The following ATG2A variants were observed in gnomAD, a reference collection of about 807,000 sequenced individuals.
The protein encoded by ATG2A is autophagy related 2A.
A neutral mutation model predicts 214.2 loss-of-function variants in ATG2A; 103 were observed. The ratio of observed to expected loss-of-function variants is 0.48; its 90% CI spans 0.41 to 0.57. ATG2A has a LOEUF of 0.57. ATG2A is among the 20% of genes least tolerant of loss of function. The pLI is 0.00. For synonymous variants in ATG2A, 1,160 were observed against 1,142.1 expected, an observed-to-expected ratio of 1.02 and a Z score of -0.32; for missense variants, 2,312 against 2,613.2, an observed-to-expected ratio of 0.88 and a Z score of 2.51.
rs771551561 is a variant in ATG2A at position 64,894,902 on chromosome 11, C to A, written c.*71G>T. 1 of 1,573,068 alleles carries A rather than the reference C, an allele frequency of 6.4e-7. No homozygotes were observed. Among genetic ancestry groups the A allele is most frequent in the East Asian group, 2.2e-5 (1 of 44,708 alleles). On this transcript the variant is annotated 3_prime_UTR_variant, in exon 41 of 41. Coordinates refer to ENST00000377264, the MANE Select transcript of ATG2A (RefSeq NM_015104.3). ...CTGAAGGGCCAGGCCGGGCCGGGCC[C>A]GTGGGCTGCAGCTCTTGGGAGGCTC...
chr11:64,910,879 T>C lies in ATG2A; in HGVS notation c.1542A>G (p.Glu514=). ...GCACCTCCAGCTGCCCGAAGTGCACTTCCATGCTGGTTGTCCGCCGGCCCC... is the reference window on the plus strand; with the variant it reads ...GCACCTCCAGCTGCCCGAAGTGCACCTCCATGCTGGTTGTCCGCCGGCCCC... ...GSRGRRTTSM[E]VHFGQLEVLE... is the part of the protein sequence containing the mutation. The change falls in exon 11 of 41, where the codon GAA becomes GAG. Residue 514 remains glutamate (E), a synonymous_variant. Transcript: ENST00000377264. 6.2e-7 allele frequency: 1 copy of C among 1,610,280 alleles called. No individual in the cohort carries two copies. The highest frequency in any genetic ancestry group is 8.5e-7 in the Non-Finnish European group (1 of 1,178,850).
Position 64,909,720 on chromosome 11 carries a change from C to T in ATG2A, c.2068G>A (p.Val690Ile). The T allele has an allele frequency of 6.2e-7, 1 of 1,613,236 alleles. No individual in the cohort carries two copies. Among genetic ancestry groups the T allele is most frequent in the Non-Finnish European group, 8.5e-7 (1 of 1,180,004 alleles). Residue 690 changes from valine to isoleucine, a missense_variant, in exon 14 of 41, where the codon GTC (valine) becomes ATC (isoleucine). Val to Ile is a conservative substitution (Grantham distance 29). Coordinates refer to ENST00000377264, the MANE Select transcript of ATG2A (RefSeq NM_015104.3). ...SELSSGPGPP[V>I]PTHLELTCSD... ...CAGGTGAGTTCCAGGTGGGTGGGGA[C>T]TGGGGGACCAGGCCCACTGCTAAGC...
Position 64,898,976 on chromosome 11 carries a change from T to C in ATG2A, c.4465-134A>G. 1.3e-6 allele frequency: 1 copy of C among 787,964 alleles called. No individual in the cohort carries two copies. The allele number at this position is 787,964 out of a possible 1,614,324, so 48.8% of individuals were successfully genotyped here. On this transcript the variant is annotated intron_variant, in intron 31 of 40. Coordinates refer to ENST00000377264, the MANE Select transcript of ATG2A (RefSeq NM_015104.3). This position sits in a 1 kb window ranked among gnomAD's most constrained non-coding sequence, Gnocchi z 4.5. ...TCGCCCAGGTTGGAGTGCAGTGGCG[T>C]GATCTCGGCTCACTGCAACCTCTGC...
In ATG2A at chr11:64,912,094, C is replaced by A. The variant is rs1565067315; in HGVS notation, c.1078G>T (p.Asp360Tyr). ...CTGACCCCACACCCACCAGTGTTAT[C>A]CAGGTTGAGAAGGGGGTTGGTAAGG... ...DPLTNPLLNL[D>Y]NTDLFFSMAG... Residue 360 changes from aspartate (D) to tyrosine (Y), a missense_variant, in exon 8 of 41, where the codon GAT becomes TAT. Transcript: ENST00000377264. 1.2e-6 allele frequency: 2 copies of A among 1,613,410 alleles called. No individual in the cohort carries two copies. The highest frequency in any genetic ancestry group is 3.3e-5 in the Admixed American group (2 of 60,000).
chr11:64,905,880 G>C, intron 22 of ATG2A, 32 bp from the exon 23 acceptor site: 1 of 1,600,456 alleles, frequency 6.2e-7, no homozygotes, highest in Non-Finnish European at 8.6e-7. Flanking sequence ...GAAGCAGTGA[G>C]GATCAGGTGG....
intron 1 of ATG2A, among the ~76,000 whole-genome samples, chr11:64,916,732 C>G (rs899870715): frequency 1.3e-5 from 2 of 152,154 alleles, no homozygotes; most frequent in African/African-American, 4.8e-5. Context: ...CTTGCCCTCT[C>G]CAGCCTCAGT....
At chr11:64,896,364 C>G in intron 39 of ATG2A, 98 bp downstream of exon 39, 2 of 1,463,508 alleles carry the variant, frequency 1.4e-6, no homozygotes, top group South Asian at 1.4e-5. Context: ...CCCAGACTGC[C>G]CACTCTGAGG....
At chr11:64,905,913 C>A in intron 22 of ATG2A, 65 bp from the exon 23 acceptor site, 1 of 1,520,010 alleles carries the variant, frequency 6.6e-7, no homozygotes, top group Non-Finnish European at 9.1e-7. Flanking sequence ...TCTAACCCCT[C>A]CCTGTCCTGG....
rs374185394 is a variant in ATG2A at position 64,904,490 on chromosome 11, G to A, written c.3465-830C>T. ...AACCCAGGAGGCAGAGGTTGCAGTC[G>A]GCTGAGATTGCGCCACTGCACTCCA... is the stretch of plus-strand genomic sequence containing the variant. On this transcript the variant is annotated intron_variant, in intron 24 of 40. Transcript: ENST00000377264. Among the ~76,000 whole-genome samples, 13 of 151,696 alleles carry A rather than the reference G, an allele frequency of 8.6e-5. No homozygotes were observed. In the South Asian group the frequency reaches 1.7e-3, roughly 19 times the overall value.
Position 64,913,871 on chromosome 11 carries a change from G to A in ATG2A, c.540C>T (p.His180=). Residue 180 remains histidine (H), a synonymous_variant, in exon 4 of 41, where the codon CAC becomes CAT. Coordinates refer to ENST00000377264, the MANE Select transcript of ATG2A (RefSeq NM_015104.3). The surrounding 1 kb of genome is among the most constrained non-coding windows in gnomAD (Gnocchi z 4.3). ...CACCACGTTCCCCATCACCCGGAGAGTGCTCCACCCTCACGACAGTGTCCA... is the reference window on the plus strand; with the variant it reads ...CACCACGTTCCCCATCACCCGGAGAATGCTCCACCCTCACGACAGTGTCCA... The part of the protein sequence containing the change: ...TFLDTVVRVE[H]SPGDGERGVA... The A allele has an allele frequency of 1.9e-6, 3 of 1,614,032 alleles. No individual in the cohort carries two copies. The highest frequency in any genetic ancestry group is 2.5e-6 in the Non-Finnish European group (3 of 1,180,022).
chr11:64,895,260 G>GGGA lies in ATG2A; in HGVS notation c.5580+27_5580+29dup, dbSNP rs1944108599. 6 of 1,613,078 alleles carry GGGA rather than the reference G, an allele frequency of 3.7e-6. No individual in the cohort carries two copies. The highest frequency in any genetic ancestry group is 1.3e-5 in the African/African-American group (1 of 74,924). The stretch of plus-strand genomic sequence containing the variant: ...GGTCTGTGTGAGGAGATGGGCATGG[G>GGGA]GGACTGGGGCAGGGCGGGGGCCTGG... On this transcript the variant is annotated intron_variant, in intron 40 of 40. Transcript: ENST00000377264. The surrounding 1 kb of genome is among the most constrained non-coding windows in gnomAD (Gnocchi z 5.0).
intron 38 of ATG2A, 55 bp downstream of exon 38, chr11:64,896,693 C>G: frequency 1.2e-6 from 2 of 1,608,944 alleles, no homozygotes; most frequent in South Asian, 2.2e-5. Context: ...ATGGCAGCTT[C>G]TAGGTTGCCC....
At position 64,909,080 on chromosome 11, in the gene ATG2A, G is replaced by C. The variant is rs1322478858; in HGVS notation, c.2275C>G (p.Leu759Val). 18 of 1,613,212 alleles carry C rather than the reference G, an allele frequency of 1.1e-5. No individual in the cohort carries two copies. The highest frequency in any genetic ancestry group is 1.4e-5 in the Non-Finnish European group (17 of 1,179,970). Residue 759 changes from leucine to valine, a missense_variant, in exon 16 of 41, where the codon CTG becomes GTG. Physicochemically the swap from Leu to Val is conservative, Grantham distance 32. Transcript: ENST00000377264. Reference protein sequence around the residue: ...WEVAPEKGEELELSVESPCEL... With the variant: ...WEVAPEKGEEVELSVESPCEL... ...CAGGGACTCTCCACTGACAGCTCCA[G>C]TTCCTCTCCCTTCTCCGGGGCCACC...
intron 1 of ATG2A, 47 bp from the exon 2 acceptor site, chr11:64,914,547 C>T: frequency 6.3e-7 from 1 of 1,594,006 alleles, no homozygotes; most frequent in Non-Finnish European, 8.5e-7. Context: ...ACCCCAAATC[C>T]CACAGGCTGG....
At chr11:64,897,190 G>A in intron 37 of ATG2A, 4 of 628,148 alleles carry the variant, frequency 6.4e-6, no homozygotes, top group Non-Finnish European at 1.1e-5. Flanking sequence ...GCTAATTTTT[G>A]TATTTTTAGT....
At position 64,898,121 on chromosome 11, in the gene ATG2A, A is replaced by T; in HGVS notation, c.4823T>A (p.Ile1608Asn). 1 of 1,614,110 alleles carries T rather than the reference A, an allele frequency of 6.2e-7. No individual in the cohort carries two copies. The highest frequency in any genetic ancestry group is 1.1e-5 in the South Asian group (1 of 91,078). Residue 1608 changes from isoleucine (I) to asparagine (N), a missense_variant, in exon 34 of 41, where the codon ATC becomes AAC. Coordinates refer to ENST00000377264, the MANE Select transcript of ATG2A (RefSeq NM_015104.3). The surrounding 1 kb of genome is among the most constrained non-coding windows in gnomAD (Gnocchi z 4.5). ...GGTCTCCCCTGGGACCACGGGGTTG[A>T]TGCCGGCCACCAGACTAGTGAAGAA... ...KDFFTSLVAG[I>N]NPVVPGETSA...
chr11:64,906,354 C>T lies in ATG2A; in HGVS notation c.3163G>A (p.Asp1055Asn). 6.2e-7 allele frequency: 1 copy of T among 1,613,220 alleles called. No individual in the cohort carries two copies. Among genetic ancestry groups the T allele is most frequent in the South Asian group, 1.1e-5 (1 of 91,086 alleles). ...MLSTAVRIHLDPHKNVKEFLV... is the reference protein window; with the variant it reads ...MLSTAVRIHLNPHKNVKEFLV... The stretch of plus-strand genomic sequence containing the variant: ...CATACCTTCACATTCTTGTGGGGGT[C>T]CAGGTGGATGCGCACAGCAGTGGAC... Residue 1055 changes from aspartate to asparagine, a missense_variant, in exon 21 of 41, where the codon GAC becomes AAC. Transcript: ENST00000377264.
chr11:64,898,414 C>A lies in ATG2A; in HGVS notation c.4672-52G>T. ...ACCTGCTGGGCCTCTGGGGCAGCAG[C>A]TCACCCAGCTGTTCCCTGACAGCTC... On this transcript the variant is annotated intron_variant, in intron 32 of 40. Transcript: ENST00000377264. This position sits in a 1 kb window ranked among gnomAD's most constrained non-coding sequence, Gnocchi z 4.5. 1 of 1,478,620 alleles carries A rather than the reference C, an allele frequency of 6.8e-7. No homozygotes were observed. Among genetic ancestry groups the A allele is most frequent in the African/African-American group, 1.4e-5 (1 of 70,812 alleles). The allele number at this position is 1,478,620 out of a possible 1,614,324, so 91.6% of individuals were successfully genotyped here. A position where few individuals can be genotyped will look rare whatever the true frequency, so the allele number is the denominator to read the frequency against.
chr11:64,909,475 G>T (rs1944680620), intron 14 of ATG2A, 108 bp from the exon 15 acceptor site: 8 of 1,387,752 alleles, frequency 5.8e-6, no homozygotes, highest in African/African-American at 1.4e-5. Context: ...CACACACCTT[G>T]GTGGGCAGAG....
Sources: gnomAD v4.1 joint callset for allele counts (sites outside exome capture counted in the v4.1 genomes callset) on GRCh38, gnomAD v4.1.1 for gene constraint, Gnocchi (gnomAD v3.1) non-coding constraint, MANE v1.5 for transcripts, NCBI Gene and HGNC (gene_info 2026-07-23, HGNC 2026-07-21) for gene names.